OXCT1: variants seen among roughly 807,000 people sequenced by gnomAD.
OXCT1 encodes succinyl-CoA:3-ketoacid coenzyme A transferase 1, mitochondrial.
OXCT1 carries 27 observed loss-of-function variants against 69.6 expected under a neutral mutation model. The observed-to-expected ratio is 0.39, with a 90% CI of 0.29 to 0.54. The LOEUF is 0.54. Ranked by LOEUF, OXCT1 falls within the 20% of genes least tolerant of loss-of-function variation. OXCT1 has a pLI of 0.72. For synonymous variants in OXCT1, 202 were observed against 217.8 expected (o/e 0.93, Z 0.64); for missense variants, 437 against 650.2 (o/e 0.67, Z 3.57).
chr5:41,808,270 C>CT (rs1313141287), intron 7 of OXCT1, among the ~76,000 whole-genome samples: 1 of 152,042 alleles, frequency 6.6e-6, no homozygotes, highest in Non-Finnish European at 1.5e-5. Context: ...ACATACACAC[C>CT]TTTAAGTTGT....
chr5:41,740,597 C>G (rs545815533), intron 15 of OXCT1, among the ~76,000 whole-genome samples: 1 of 152,192 alleles, frequency 6.6e-6, no homozygotes, highest in Admixed American at 6.5e-5. Flanking sequence ...AGAAATATAA[C>G]TCAAGTGGAA....
At chr5:41,858,627 G>A (rs1307231228) in intron 3 of OXCT1, among the ~76,000 whole-genome samples, 1 of 152,130 alleles carries the variant, frequency 6.6e-6, no homozygotes, top group Non-Finnish European at 1.5e-5. Context: ...AAAGCAAAAA[G>A]ATACCGCATC....
chr5:41,768,153 C>T (rs764488625), intron 13 of OXCT1, among the ~76,000 whole-genome samples: 1 of 152,132 alleles, frequency 6.6e-6, no homozygotes, highest in Non-Finnish European at 1.5e-5. Flanking sequence ...TATTCCTGAG[C>T]TCATAGTTAG....
At chr5:41,855,666 C>T (rs1005386171) in intron 3 of OXCT1, among the ~76,000 whole-genome samples, 4 of 152,124 alleles carry the variant, frequency 2.6e-5, no homozygotes, top group Admixed American at 1.3e-4. Flanking sequence ...TTATTCTATC[C>T]CTGTGTCAGG....
At chr5:41,865,952 A>T (rs1241053560) in intron 1 of OXCT1, among the ~76,000 whole-genome samples, 1 of 149,154 alleles carries the variant, frequency 6.7e-6, no homozygotes, top group African/African-American at 2.5e-5. Flanking sequence ...TTGTATATAA[A>T]TGTATATATT....
In OXCT1 at chr5:41,870,283, T is replaced by C; in HGVS notation, c.76A>G (p.Lys26Glu). ...SARGSGATWY[K>E]GCVCSFSTSA... ...CTTCCTCTTCCCCCGCACTTTACCT[T>C]GTACCAGGTTGCCCCAGATCCGCGG... The change falls in exon 1 of 17, where the codon AAG (lysine) becomes GAG (glutamate). Residue 26 changes from lysine to glutamate, a missense_variant and splice_region_variant. Coordinates refer to ENST00000196371, the MANE Select transcript of OXCT1 (RefSeq NM_000436.4). This position sits in a 1 kb window ranked among gnomAD's most constrained non-coding sequence, Gnocchi z 4.2. 1.2e-6 allele frequency: 2 copies of C among 1,613,232 alleles called. No homozygotes were observed. Among genetic ancestry groups the C allele is most frequent in the Non-Finnish European group, 1.7e-6 (2 of 1,179,204 alleles).
intron 13 of OXCT1, among the ~76,000 whole-genome samples, chr5:41,774,440 G>A (rs1457834131): frequency 6.6e-6 from 1 of 152,160 alleles, no homozygotes; most frequent in Non-Finnish European, 1.5e-5. Flanking sequence ...TGAAGAAAAA[G>A]TTGACTCTAG....
intron 15 of OXCT1, among the ~76,000 whole-genome samples, chr5:41,745,896 A>T (rs1398222187): frequency 3.9e-5 from 6 of 152,106 alleles, no homozygotes; most frequent in African/African-American, 1.4e-4. Context: ...TCTGAAATTG[A>T]GGCAATAATT....
chr5:41,738,396 C>G (rs115026599), intron 16 of OXCT1, among the ~76,000 whole-genome samples: 3,118 of 152,176 alleles, frequency 0.02, 95 homozygotes, highest in African/African-American at 0.07. Context: ...TTTTCACATG[C>G]TGTTCTTGTG....
intron 1 of OXCT1, chr5:41,869,907 G>C: frequency 2.9e-6 from 1 of 341,424 alleles, no homozygotes; most frequent in Non-Finnish European, 5.7e-6. Context: ...CCATATACTG[G>C]CGCCCTCCTC....
chr5:41,764,134 C>T (rs77460334), intron 13 of OXCT1, among the ~76,000 whole-genome samples: 1 of 152,094 alleles, frequency 6.6e-6, no homozygotes, highest in Non-Finnish European at 1.5e-5. Context: ...CATGTTACAA[C>T]CTTTAAAGCA....
chr5:41,752,971 GCTTGCTT>G (rs527365806), intron 14 of OXCT1, among the ~76,000 whole-genome samples: 325 of 151,916 alleles, frequency 2.1e-3, no homozygotes, highest in African/African-American at 7.5e-3. Flanking sequence ...ACTTTCTATT[GCTTGCTT>G]CTTGGTGATC....
At chr5:41,773,160 T>C (rs1744957563) in intron 13 of OXCT1, among the ~76,000 whole-genome samples, 1 of 152,180 alleles carries the variant, frequency 6.6e-6, no homozygotes, top group South Asian at 2.1e-4. Flanking sequence ...TTCTACCTTA[T>C]CTTTTTAAGT....
intron 7 of OXCT1, among the ~76,000 whole-genome samples, chr5:41,839,850 A>ATT (rs908064329): frequency 6.6e-6 from 1 of 152,214 alleles, no homozygotes; most frequent in Non-Finnish European, 1.5e-5. Flanking sequence ...GTTAAGAACC[A>ATT]TTTGAAGTCT....
chr5:41,853,381 G>A (rs748116049), intron 4 of OXCT1, 38 bp downstream of exon 4: 2 of 1,585,732 alleles, frequency 1.3e-6, no homozygotes, highest in Non-Finnish European at 1.7e-6. Context: ...AATTTTTAAA[G>A]TAAGTTAGTA....
chr5:41,869,844 A>G (rs1285525539), intron 1 of OXCT1, among the ~76,000 whole-genome samples: 1 of 152,106 alleles, frequency 6.6e-6, no homozygotes, highest in African/African-American at 2.4e-5. Context: ...CTCTGCCCAG[A>G]GATCCAACAT....
chr5:41,825,194 A>C (rs1348790924), intron 7 of OXCT1, among the ~76,000 whole-genome samples: 1 of 152,198 alleles, frequency 6.6e-6, no homozygotes, highest in African/African-American at 2.4e-5. Flanking sequence ...TAAACTTCAA[A>C]GGCTGAATAA....
chr5:41,802,592 C>T (rs536116534), intron 10 of OXCT1, among the ~76,000 whole-genome samples: 1 of 152,174 alleles, frequency 6.6e-6, no homozygotes, highest in African/African-American at 2.4e-5. Context: ...AGAAACCTTA[C>T]TCTTCAGTTT....
intron 16 of OXCT1, among the ~76,000 whole-genome samples, chr5:41,733,536 C>G (rs968617941): frequency 1.3e-5 from 2 of 152,156 alleles, no homozygotes; most frequent in South Asian, 2.1e-4. Flanking sequence ...CGTAAGCCAC[C>G]GTGCCTGGCC....
Sources: allele counts gnomAD v4.1 joint callset (sites outside exome capture counted in the v4.1 genomes callset), GRCh38; gene constraint gnomAD v4.1.1; non-coding constraint Gnocchi (gnomAD v3.1); transcripts MANE v1.5; gene names NCBI Gene and HGNC (gene_info 2026-07-23, HGNC 2026-07-21).